Variants in RALA observed in about 807,000 individuals in gnomAD.
RALA encodes ras-related protein Ral-A.
RALA carries 5 observed loss-of-function variants against 24.0 expected under a neutral mutation model. That is an observed-to-expected ratio of 0.21 (90% CI 0.11 to 0.44). The LOEUF (loss-of-function observed/expected upper bound fraction) is 0.44, where lower values mean the gene tolerates loss of function less well. RALA is among the 20% of genes least tolerant of loss of function. The pLI is 0.99. For missense variants in RALA, 95 were observed against 241.2 expected, an observed-to-expected ratio of 0.39 and a Z score of 4.01; for synonymous variants, 77 against 83.8, an observed-to-expected ratio of 0.92 and a Z score of 0.44.
intron 1 of RALA, among the ~76,000 whole-genome samples, chr7:39,657,379 TC>T (rs1477558435): frequency 6.6e-6 from 1 of 152,194 alleles, no homozygotes; most frequent in Admixed American, 6.5e-5. Flanking sequence ...TTTTAAGGCT[TC>T]CTTCTGTGAT....
At chr7:39,629,949 T>C (rs1421197664) in intron 1 of RALA, among the ~76,000 whole-genome samples, 3 of 152,184 alleles carry the variant, frequency 2.0e-5, no homozygotes. Context: ...CAGGCTGGTC[T>C]CAAACTCCTG....
chr7:39,657,162 C>A (rs1792113510), intron 1 of RALA, among the ~76,000 whole-genome samples: 1 of 152,014 alleles, frequency 6.6e-6, no homozygotes, highest in African/African-American at 2.4e-5. Flanking sequence ...GACGGGGTTT[C>A]ACCACGTTGG....
At chr7:39,646,019 T>C (rs1483323330) in intron 1 of RALA, among the ~76,000 whole-genome samples, 1 of 152,214 alleles carries the variant, frequency 6.6e-6, no homozygotes, top group Admixed American at 6.5e-5. Flanking sequence ...TGGACCATTC[T>C]CAACTTCAGA....
intron 1 of RALA, among the ~76,000 whole-genome samples, chr7:39,626,967 C>T (rs1238117263): frequency 7.1e-6 from 1 of 141,380 alleles, no homozygotes; most frequent in Non-Finnish European, 1.5e-5. Context: ...AAGGGTTTAG[C>T]TGCTATTCAG....
Position 39,623,610 on chromosome 7 carries a change from C to A in RALA, c.-253C>A. The A allele has an allele frequency of 6.5e-6, 1 of 152,988 alleles. No homozygotes were observed. The highest frequency in any genetic ancestry group is 1.9e-4 in the South Asian group (1 of 5,332). 9.5% of individuals were successfully genotyped at this position (152,988 alleles called of 1,614,324 possible). A position where few individuals can be genotyped will look rare whatever the true frequency, so the allele number is the denominator to read the frequency against. ...CAGAGCCGCCAGGAGGAGGGTGGAT[C>A]TCCCCAGAGCAAAGCGTCGGAGTCC... On this transcript the variant is annotated 5_prime_UTR_variant, in exon 1 of 5. Transcript: ENST00000005257. This position sits in a 1 kb window ranked among gnomAD's most constrained non-coding sequence, Gnocchi z 4.9.
chr7:39,656,570 T>A (rs1188630826), intron 1 of RALA, among the ~76,000 whole-genome samples: 1 of 152,228 alleles, frequency 6.6e-6, no homozygotes, highest in Non-Finnish European at 1.5e-5. Flanking sequence ...AGTTTCTTTG[T>A]CTTCATACAG....
chr7:39,698,968 G>A (rs573732586), intron 4 of RALA, among the ~76,000 whole-genome samples: 7 of 151,930 alleles, frequency 4.6e-5, no homozygotes, highest in African/African-American at 7.2e-5. Flanking sequence ...TTTTTTACCC[G>A]TCACTTTGGG....
chr7:39,672,699 T>C (rs1792412008), intron 1 of RALA, among the ~76,000 whole-genome samples: 1 of 149,166 alleles, frequency 6.7e-6, no homozygotes. Context: ...AATATTTGTG[T>C]GTCTCAAAAG....
intron 1 of RALA, among the ~76,000 whole-genome samples, chr7:39,674,601 G>T (rs1792446345): frequency 1.3e-5 from 2 of 152,082 alleles, no homozygotes; most frequent in African/African-American, 4.8e-5. Context: ...AAAGAATTTG[G>T]AAGCTTTCCC....
At chr7:39,686,875 T>G (rs907992470) in intron 2 of RALA, 94 bp downstream of exon 2, 3 of 871,808 alleles carry the variant, frequency 3.4e-6, no homozygotes, top group African/African-American at 3.4e-5. Context: ...ATTGTTTGAA[T>G]CCTTGAAATT....
chr7:39,670,943 T>G (rs1203339370), intron 1 of RALA, among the ~76,000 whole-genome samples: 2 of 152,188 alleles, frequency 1.3e-5, no homozygotes, highest in Non-Finnish European at 2.9e-5. Context: ...TCCCAACTGG[T>G]CCCACAGAAG....
At chr7:39,647,215 G>A (rs759224301) in intron 1 of RALA, among the ~76,000 whole-genome samples, 25 of 152,074 alleles carry the variant, frequency 1.6e-4, no homozygotes, top group Admixed American at 3.3e-4. Flanking sequence ...GCTGATTTTT[G>A]TATTTTTTGT....
Position 39,681,302 on chromosome 7 carries a change from C to CTTTTT in RALA, c.-37-5300_-37-5296dup, listed in dbSNP as rs70996832. Among the ~76,000 whole-genome samples, 248 of 50,050 alleles carry CTTTTT rather than the reference C, an allele frequency of 5.0e-3. 33 individuals carry two copies. The highest frequency in any genetic ancestry group is 6.8e-3 in the Non-Finnish European group (192 of 28,090). The allele number at this position is 50,050 out of a possible 152,430, so 32.8% of individuals were successfully genotyped here. ...TCCTCAACCCAAACCCACCCTATTC[C>CTTTTT]TTTTTTTTTTTTTTTTTTTTTTTTT... is the stretch of plus-strand genomic sequence containing the variant. On this transcript the variant is annotated intron_variant, in intron 1 of 4. Transcript: ENST00000005257.
At chr7:39,692,697 A>G (rs755074452) in intron 3 of RALA, among the ~76,000 whole-genome samples, 10 of 152,138 alleles carry the variant, frequency 6.6e-5, no homozygotes, top group Non-Finnish European at 1.0e-4. Flanking sequence ...CAATCACACT[A>G]TGCTTTTTCA....
chr7:39,670,505 A>G (rs1481805575), intron 1 of RALA, among the ~76,000 whole-genome samples: 2 of 152,212 alleles, frequency 1.3e-5, no homozygotes, highest in Admixed American at 6.5e-5. Context: ...AAAAACATCT[A>G]TGTATTTAAT....
chr7:39,686,824 A>G (rs1216177467), intron 2 of RALA, 43 bp downstream of exon 2: 5 of 1,421,612 alleles, frequency 3.5e-6, no homozygotes, highest in Non-Finnish European at 2.0e-6. Flanking sequence ...AGGCTTTCAG[A>G]GAGTATTTCC....
intron 1 of RALA, among the ~76,000 whole-genome samples, chr7:39,638,327 A>T (rs1352554064): frequency 6.6e-6 from 1 of 152,096 alleles, no homozygotes; most frequent in African/African-American, 2.4e-5. Context: ...ATCTTCATAA[A>T]TTTGCCCTTT....
At chr7:39,658,276 C>T (rs78441019) in intron 1 of RALA, among the ~76,000 whole-genome samples, 9,423 of 152,184 alleles carry the variant, frequency 0.062, 387 homozygotes, top group Non-Finnish European at 0.087. Flanking sequence ...GCTGCCTCTC[C>T]AACCCTCTCA....
intron 1 of RALA, among the ~76,000 whole-genome samples, chr7:39,668,817 A>C (rs1792330393): frequency 3.3e-5 from 5 of 151,314 alleles, no homozygotes; most frequent in Admixed American, 3.3e-4. Flanking sequence ...AAAAAAAGAA[A>C]AGAAAAGATA....
Sources: gnomAD v4.1 joint callset for allele counts (sites outside exome capture counted in the v4.1 genomes callset) on GRCh38, gnomAD v4.1.1 for gene constraint, Gnocchi (gnomAD v3.1) non-coding constraint, MANE v1.5 for transcripts, NCBI Gene and HGNC (gene_info 2026-07-23, HGNC 2026-07-21) for gene names.